PARD6G: variants seen among roughly 807,000 people sequenced by gnomAD.
PARD6G encodes the protein partitioning defective 6 homolog gamma.
In PARD6G, 7 loss-of-function variants were observed where a neutral mutation model predicts 10.7. The ratio of observed to expected loss-of-function variants is 0.66; its 90% CI spans 0.37 to 1.23. The LOEUF (loss-of-function observed/expected upper bound fraction) is 1.23, where lower values mean the gene tolerates loss of function less well. Among genes scored for constraint, PARD6G ranks in the 50% most tolerant of loss-of-function variants. PARD6G has a pLI of 0.02. For synonymous variants in PARD6G, 287 were observed against 269.4 expected, an observed-to-expected ratio of 1.07 and a Z score of -0.64; for missense variants, 548 against 571.8, an observed-to-expected ratio of 0.96 and a Z score of 0.42.
rs970666765 is a variant in PARD6G, at chr18:80,180,110, G to A, written c.296-19504C>T. Among the ~76,000 whole-genome samples, 2 of 152,252 alleles carry A rather than the reference G, an allele frequency of 1.3e-5. No homozygotes were observed. The highest frequency in any genetic ancestry group is 4.8e-5 in the African/African-American group (2 of 41,464). On this transcript the variant is annotated intron_variant, in intron 2 of 2. Transcript: ENST00000353265. This position sits in a 1 kb window ranked among gnomAD's most constrained non-coding sequence, Gnocchi z 5.6. ...AAGCTGAATGTCCCGTGGAAAAGTG[G>A]CACAGAGGCCTGGCTGGGTGAACCA...
chr18:80,177,855 G>C (rs2052824154), intron 2 of PARD6G, among the ~76,000 whole-genome samples: 1 of 150,618 alleles, frequency 6.6e-6, no homozygotes, highest in African/African-American at 2.4e-5. Flanking sequence ...CAAACGGGAA[G>C]CACACACATG....
At chr18:80,187,291 G>GC (rs1305549165) in intron 2 of PARD6G, among the ~76,000 whole-genome samples, 2 of 152,132 alleles carry the variant, frequency 1.3e-5, no homozygotes, top group African/African-American at 4.8e-5. Context: ...GCTCTGCACA[G>GC]CTGACTCCCT....
Position 80,182,370 on chromosome 18 carries a change from T to A in PARD6G, c.295+20340A>T, listed in dbSNP as rs1214576110. Among the ~76,000 whole-genome samples the A allele has an allele frequency of 6.6e-6, 1 of 152,180 alleles. No homozygotes were observed. The highest frequency in any genetic ancestry group is 1.5e-5 in the Non-Finnish European group (1 of 68,036). On this transcript the variant is annotated intron_variant, in intron 2 of 2. Coordinates refer to ENST00000353265, the MANE Select transcript of PARD6G (RefSeq NM_032510.4). This position sits in a 1 kb window ranked among gnomAD's most constrained non-coding sequence, Gnocchi z 4.5. ...CAAACTCTCACATGGACAGTGAGGG[T>A]GTGACAGGCCCTGAAGAACAGGTTC...
chr18:80,210,545 C>T (rs1346348742), intron 1 of PARD6G, among the ~76,000 whole-genome samples: 1 of 152,174 alleles, frequency 6.6e-6, no homozygotes, highest in Non-Finnish European at 1.5e-5. Flanking sequence ...AAAAGCCCTT[C>T]TCATAGGGTC....
At chr18:80,209,899 T>C (rs1363857352) in intron 1 of PARD6G, among the ~76,000 whole-genome samples, 1 of 152,258 alleles carries the variant, frequency 6.6e-6, no homozygotes, top group African/African-American at 2.4e-5. Context: ...CATTATACTA[T>C]AAATAGAAAA....
Position 80,202,516 on chromosome 18 carries a change from A to G in PARD6G, c.295+194T>C, listed in dbSNP as rs150948028. ...TTCAGTATTTAAAAGTCAGAAGTCA[A>G]TATCATTTAAAGTAGAAAACACAGT... is the stretch of plus-strand genomic sequence containing the variant. On this transcript the variant is annotated intron_variant, in intron 2 of 2. Coordinates refer to ENST00000353265, the MANE Select transcript of PARD6G (RefSeq NM_032510.4). 912 of 543,632 alleles carry G rather than the reference A, an allele frequency of 1.7e-3. 7 individuals carry two copies. Among genetic ancestry groups the G allele is most frequent in the African/African-American group, 0.016 (844 of 52,710 alleles). 33.7% of individuals were successfully genotyped at this position (543,632 alleles called of 1,614,324 possible).
At chr18:80,207,212 T>C (rs1187067452) in intron 1 of PARD6G, among the ~76,000 whole-genome samples, 1 of 91,030 alleles carries the variant, frequency 1.1e-5, no homozygotes, top group Non-Finnish European at 2.9e-5. Flanking sequence ...TACTTAACAG[T>C]AAATGAAAGA....
chr18:80,229,471 C>T (rs552706008), intron 1 of PARD6G, among the ~76,000 whole-genome samples: 2 of 152,298 alleles, frequency 1.3e-5, no homozygotes, highest in East Asian at 3.9e-4. Flanking sequence ...TGGGCCCAGG[C>T]AAGGTCATTT....
intron 1 of PARD6G, among the ~76,000 whole-genome samples, chr18:80,234,402 C>G (rs1357232762): frequency 6.6e-6 from 1 of 152,158 alleles, no homozygotes; most frequent in Non-Finnish European, 1.5e-5. Context: ...ACCTTAAATT[C>G]TGTAAGATAA....
intron 2 of PARD6G, among the ~76,000 whole-genome samples, chr18:80,166,952 A>C (rs1476241682): frequency 6.6e-6 from 1 of 152,022 alleles, no homozygotes; most frequent in Non-Finnish European, 1.5e-5. Flanking sequence ...CTAACATCCC[A>C]TGCTGACCCC....
At position 80,160,579 on chromosome 18, in the gene PARD6G, G is replaced by C. The variant is rs769195331; in HGVS notation, c.323C>G (p.Ala108Gly). 2.7e-6 allele frequency: 4 copies of C among 1,458,076 alleles called. No homozygotes were observed. The highest frequency in any genetic ancestry group is 2.7e-5 in the Admixed American group (1 of 36,788). 90.3% of individuals were successfully genotyped at this position (1,458,076 alleles called of 1,614,324 possible). A position where few individuals can be genotyped will look rare whatever the true frequency, so the allele number is the denominator to read the frequency against. ...CCGCCTCCGCCTGCACAGCGAGCCC[G>C]CGCCGAGGCTGCCACGCTCGGCCTC... The part of the protein sequence containing the change: ...REEAERGSLG[A>G]GSLCRRRRAL... Residue 108 changes from alanine (A) to glycine (G), a missense_variant, in exon 3 of 3, where the codon GCG (alanine) becomes GGG (glycine). Ala to Gly is a moderately conservative substitution (Grantham distance 60). Coordinates refer to ENST00000353265, the MANE Select transcript of PARD6G (RefSeq NM_032510.4).
intron 1 of PARD6G, among the ~76,000 whole-genome samples, chr18:80,230,146 G>T (rs1279640387): frequency 1.3e-5 from 2 of 152,206 alleles, no homozygotes; most frequent in East Asian, 3.9e-4. Context: ...CTACAGCAGG[G>T]TCTGTTGGGA....
intron 2 of PARD6G, among the ~76,000 whole-genome samples, chr18:80,186,926 G>A (rs1002665574): frequency 6.6e-6 from 1 of 152,168 alleles, no homozygotes; most frequent in African/African-American, 2.4e-5. Context: ...GTGAAACCCC[G>A]TCTCTACTAA....
At chr18:80,218,892 G>A (rs1967199395) in intron 1 of PARD6G, among the ~76,000 whole-genome samples, 1 of 152,220 alleles carries the variant, frequency 6.6e-6, no homozygotes, top group Admixed American at 6.5e-5. Flanking sequence ...CATGGAAGCT[G>A]CCAAGGCTTG....
intron 2 of PARD6G, among the ~76,000 whole-genome samples, chr18:80,186,438 T>C (rs2052879236): frequency 9.1e-6 from 1 of 110,200 alleles, no homozygotes; most frequent in Non-Finnish European, 1.8e-5. Flanking sequence ...CACATATGCT[T>C]GCACACCCAC....
At chr18:80,217,235 C>T (rs1379173226) in intron 1 of PARD6G, among the ~76,000 whole-genome samples, 2 of 152,162 alleles carry the variant, frequency 1.3e-5, no homozygotes, top group African/African-American at 4.8e-5. Context: ...CAAATAAAAT[C>T]CATGACTCCA....
intron 1 of PARD6G, among the ~76,000 whole-genome samples, chr18:80,227,998 C>T (rs901448983): frequency 3.3e-5 from 5 of 152,208 alleles, no homozygotes; most frequent in African/African-American, 1.2e-4. Context: ...TAGAAACTTA[C>T]TCATTGAACC....
chr18:80,213,590 G>C (rs1200706540), intron 1 of PARD6G, among the ~76,000 whole-genome samples: 1 of 152,146 alleles, frequency 6.6e-6, no homozygotes, highest in Non-Finnish European at 1.5e-5. Context: ...CATAGAATTA[G>C]TCCAGGAAAG....
intron 1 of PARD6G, among the ~76,000 whole-genome samples, chr18:80,230,205 G>A (rs143795949): frequency 6.6e-6 from 1 of 152,222 alleles, no homozygotes; most frequent in Non-Finnish European, 1.5e-5. Flanking sequence ...CATTCCAGCT[G>A]TAAAGGATCT....
Sources: allele counts gnomAD v4.1 joint callset (sites outside exome capture counted in the v4.1 genomes callset), GRCh38; gene constraint gnomAD v4.1.1; non-coding constraint Gnocchi (gnomAD v3.1); transcripts MANE v1.5; gene names NCBI Gene and HGNC (gene_info 2026-07-23, HGNC 2026-07-21).